OSGIN1: variants seen among roughly 807,000 people sequenced by gnomAD.
OSGIN1 encodes the protein oxidative stress induced growth inhibitor 1.
OSGIN1 carries 19 observed loss-of-function variants against 20.1 expected under a neutral mutation model. The observed-to-expected ratio is 0.95, with a 90% CI of 0.66 to 1.39. The LOEUF (loss-of-function observed/expected upper bound fraction) is 1.39, where lower values mean the gene tolerates loss of function less well. OSGIN1 is among the 40% of genes most tolerant of loss of function. The pLI, the probability that OSGIN1 is intolerant of heterozygous loss-of-function variation, is 0.00. For synonymous variants in OSGIN1, 368 were observed against 297.8 expected (o/e 1.24, Z -2.43); for missense variants, 820 against 653.0 (o/e 1.26, Z -2.79).
At chr16:83,964,070 G>C (rs528509448) in intron 5 of OSGIN1, among the ~76,000 whole-genome samples, 2 of 152,186 alleles carry the variant, frequency 1.3e-5, no homozygotes, top group Non-Finnish European at 2.9e-5. Flanking sequence ...TTGGGAGGCC[G>C]AGGCTGGTGG....
chr16:83,960,709 C>G lies in OSGIN1; in HGVS notation c.345C>G (p.His115Gln), dbSNP rs202216050. 2 of 1,613,526 alleles carry G rather than the reference C, an allele frequency of 1.2e-6. No individual in the cohort carries two copies. The highest frequency in any genetic ancestry group is 3.3e-5 in the Admixed American group (2 of 60,030). Residue 115 changes from histidine (H) to glutamine (Q), a missense_variant, in exon 4 of 6, where the codon CAC becomes CAG. Physicochemically the swap from His to Gln is conservative, Grantham distance 24 (BLOSUM62 0). Coordinates refer to ENST00000393306, the MANE Select transcript of OSGIN1 (RefSeq NM_182981.3). ...TCACCTGGAAGCACCGGAAGGAGCA[C>G]GCCATCCCCCACGTGGTTCTGGGCC... ...SVLTWKHRKE[H>Q]AIPHVVLGRN...
Position 83,965,126 on chromosome 16 carries a change from A to C in OSGIN1, c.553A>C (p.Lys185Gln). Residue 185 changes from lysine (K) to glutamine (Q), a missense_variant, in exon 6 of 6, where the codon AAG becomes CAG. Physicochemically the swap from Lys to Gln is moderately conservative, Grantham distance 53. Transcript: ENST00000393306. ...CCACTACTACAGGGACTACGTGGTCAAGAAGGGTCTGGGGCATAACTTTGT... is the reference window on the plus strand; with the variant it reads ...CCACTACTACAGGGACTACGTGGTCCAGAAGGGTCTGGGGCATAACTTTGT... ...IAHYYRDYVVKKGLGHNFVSG... is the reference protein window; with the variant it reads ...IAHYYRDYVVQKGLGHNFVSG... 6.2e-7 allele frequency: 1 copy of C among 1,613,372 alleles called. No homozygotes were observed. The highest frequency in any genetic ancestry group is 8.5e-7 in the Non-Finnish European group (1 of 1,179,938).
chr16:83,960,464 G>A, intron 3 of OSGIN1, 105 bp from the exon 4 acceptor site: 1 of 870,336 alleles, frequency 1.1e-6, no homozygotes, highest in Non-Finnish European at 1.8e-6. Context: ...TCCAGTGCCA[G>A]GGAAATGGCC....
chr16:83,957,808 G>T, intron 2 of OSGIN1, 70 bp downstream of exon 2: 1 of 762,432 alleles, frequency 1.3e-6, no homozygotes, highest in South Asian at 1.8e-5. Context: ...TCTGAGGGCA[G>T]GAGCTGGGCA....
In OSGIN1 at chr16:83,960,600, G is replaced by A. The variant is rs1346041282; in HGVS notation, c.236G>A (p.Gly79Asp). 6.2e-7 allele frequency: 1 copy of A among 1,613,452 alleles called. No homozygotes were observed. The highest frequency in any genetic ancestry group is 8.5e-7 in the Non-Finnish European group (1 of 1,180,018). The change falls in exon 4 of 6, where the codon GGC (glycine) becomes GAC (aspartate). Residue 79 changes from glycine to aspartate, a missense_variant. Coordinates refer to ENST00000393306, the MANE Select transcript of OSGIN1 (RefSeq NM_182981.3). ...GACTACCTGTCCGAAGGCCTCGAAGGCCGATCCCAAAGCCCCGTGGCCCTG... is the reference window on the plus strand; with the variant it reads ...GACTACCTGTCCGAAGGCCTCGAAGACCGATCCCAAAGCCCCGTGGCCCTG... ...DLDYLSEGLEGRSQSPVALLF... is the reference protein window; with the variant it reads ...DLDYLSEGLEDRSQSPVALLF...
In OSGIN1 at chr16:83,965,210, G is replaced by A. The variant is rs1733978794; in HGVS notation, c.637G>A (p.Ala213Thr). Residue 213 changes from alanine to threonine, a missense_variant, in exon 6 of 6, where the codon GCC (alanine) becomes ACC (threonine). Transcript: ENST00000393306. The stretch of plus-strand genomic sequence containing the variant: ...GACCCCCGATCCCAGCAGCTGTGGG[G>A]CCCAGGACTCCAGCCCCCTCTTCCA... ...WGTPDPSSCG[A>T]QDSSPLFQVS... The A allele has an allele frequency of 1.2e-6, 2 of 1,612,970 alleles. No homozygotes were observed. Among genetic ancestry groups the A allele is most frequent in the South Asian group, 2.2e-5 (2 of 91,090 alleles).
chr16:83,965,187 C>A lies in OSGIN1; in HGVS notation c.614C>A (p.Thr205Asn), dbSNP rs1483908545. ...GAVVTAVEWG[T>N]PDPSSCGAQD... ...GTAGTCACAGCCGTGGAGTGGGGGA[C>A]CCCCGATCCCAGCAGCTGTGGGGCC... The change falls in exon 6 of 6, where the codon ACC becomes AAC. Residue 205 changes from threonine to asparagine, a missense_variant. Transcript: ENST00000393306. 8 of 1,613,096 alleles carry A rather than the reference C, an allele frequency of 5.0e-6. No homozygotes were observed. Among genetic ancestry groups the A allele is most frequent in the Middle Eastern group, 1.6e-4 (1 of 6,084 alleles).
chr16:83,956,373 C>A (rs968472863), intron 1 of OSGIN1, among the ~76,000 whole-genome samples: 1 of 152,252 alleles, frequency 6.6e-6, no homozygotes, highest in Non-Finnish European at 1.5e-5. Flanking sequence ...AGATCATTCA[C>A]ATAGAAATCC....
chr16:83,960,882 C>A, intron 4 of OSGIN1, 99 bp from the exon 5 acceptor site: 1 of 1,487,054 alleles, frequency 6.7e-7, no homozygotes, highest in South Asian at 1.2e-5. Flanking sequence ...CCTCTCCCTC[C>A]TCCCTCTACC....
chr16:83,965,391 A>T lies in OSGIN1; in HGVS notation c.818A>T (p.Glu273Val), dbSNP rs2084265615. 1 of 1,574,500 alleles carries T rather than the reference A, an allele frequency of 6.4e-7. No homozygotes were observed. Among genetic ancestry groups the T allele is most frequent in the East Asian group, 2.2e-5 (1 of 44,560 alleles). ...PFIHHELSAL[E>V]AATRVGAVTP... ...ATCCACCATGAGCTGTCTGCCCTGG[A>T]GGCCGCCACAAGGGTGGGTGCGGTG... is the stretch of plus-strand genomic sequence containing the variant. The change falls in exon 6 of 6, where the codon GAG (glutamate) becomes GTG (valine). Residue 273 changes from glutamate (E) to valine (V), a missense_variant. By Grantham distance (121) the Glu-to-Val change is moderately radical. Coordinates refer to ENST00000393306, the MANE Select transcript of OSGIN1 (RefSeq NM_182981.3).
intron 1 of OSGIN1, among the ~76,000 whole-genome samples, chr16:83,953,612 T>A (rs2151073763): frequency 6.6e-6 from 1 of 152,328 alleles, no homozygotes; most frequent in South Asian, 2.1e-4. Flanking sequence ...GCCAAGCAGC[T>A]GAAGCGGCCA....
intron 2 of OSGIN1, among the ~76,000 whole-genome samples, chr16:83,958,154 G>T (rs1909034042): frequency 6.6e-6 from 1 of 152,222 alleles, no homozygotes; most frequent in African/African-American, 2.4e-5. Context: ...TGGGATTATA[G>T]GTGTGAACCA....
chr16:83,962,474 C>A (rs1267262024), intron 5 of OSGIN1, among the ~76,000 whole-genome samples: 2 of 152,224 alleles, frequency 1.3e-5, no homozygotes, highest in East Asian at 3.9e-4. Flanking sequence ...ATCTCCTGAT[C>A]TCGTGATCCG....
Position 83,962,875 on chromosome 16 carries a change from T to C in OSGIN1, c.488+1803T>C, listed in dbSNP as rs253138. Among the ~76,000 whole-genome samples, 319 of 152,340 alleles carry C rather than the reference T, an allele frequency of 2.1e-3. 1 individual carries two copies. The highest frequency in any genetic ancestry group is 7.1e-3 in the African/African-American group (297 of 41,580). On this transcript the variant is annotated intron_variant, in intron 5 of 5. Transcript: ENST00000393306. Reference sequence around the variant, plus strand: ...CTTTGAGTAGGACGGGAGGCAGCTTTGCCCTAGGCAGTTCCCTGCTTGACT... The same window carrying C: ...CTTTGAGTAGGACGGGAGGCAGCTTCGCCCTAGGCAGTTCCCTGCTTGACT...
chr16:83,959,315 C>T lies in OSGIN1; in HGVS notation c.123C>T (p.Tyr41=). The T allele has an allele frequency of 2.5e-6, 4 of 1,613,840 alleles. No homozygotes were observed. The highest frequency in any genetic ancestry group is 3.4e-6 in the Non-Finnish European group (4 of 1,179,928). ...ACCTGCTCTCCGGCTACACACCCTA[C>T]ACGAAGCCAGATGCCATCCACCCAC... ...LSYLLSGYTP[Y]TKPDAIHPHP... Residue 41 remains tyrosine (Y), a synonymous_variant, in exon 3 of 6, where the codon TAC becomes TAT. Coordinates refer to ENST00000393306, the MANE Select transcript of OSGIN1 (RefSeq NM_182981.3).
At chr16:83,957,605 G>A (rs371741642) in intron 1 of OSGIN1, 35 bp from the exon 2 acceptor site, 21 of 1,101,850 alleles carry the variant, frequency 1.9e-5, no homozygotes, top group Admixed American at 3.9e-5. Flanking sequence ...GGCCTCACCC[G>A]AATGGACTCT....
chr16:83,961,649 A>G (rs983477581), intron 5 of OSGIN1, among the ~76,000 whole-genome samples: 1 of 152,130 alleles, frequency 6.6e-6, no homozygotes, highest in African/African-American at 2.4e-5. Context: ...GGGGAAACTG[A>G]GGCTCAGATA....
chr16:83,965,802 C>G lies in OSGIN1; in HGVS notation c.1229C>G (p.Ala410Gly). 6.2e-7 allele frequency: 1 copy of G among 1,612,986 alleles called. No individual in the cohort carries two copies. Among genetic ancestry groups the G allele is most frequent in the Non-Finnish European group, 8.5e-7 (1 of 1,179,940 alleles). The change falls in exon 6 of 6, where the codon GCT (alanine) becomes GGT (glycine). Residue 410 changes from alanine (A) to glycine (G), a missense_variant. Physicochemically the swap from Ala to Gly is moderately conservative, Grantham distance 60 (BLOSUM62 0). Transcript: ENST00000393306. ...PDLSFLPGAG[A>G]DFAVDPDQPL... ...CTCTCCTTCCTGCCTGGGGCAGGGGCTGACTTTGCAGTGGATCCTGACCAG... is the reference window on the plus strand; with the variant it reads ...CTCTCCTTCCTGCCTGGGGCAGGGGGTGACTTTGCAGTGGATCCTGACCAG...
At chr16:83,963,040 G>A (rs1201551628) in intron 5 of OSGIN1, among the ~76,000 whole-genome samples, 2 of 152,148 alleles carry the variant, frequency 1.3e-5, no homozygotes, top group African/African-American at 4.8e-5. Context: ...CAGATACCTG[G>A]GTGCAGTCTG....
Sources: gnomAD v4.1 joint callset for allele counts (sites outside exome capture counted in the v4.1 genomes callset) on GRCh38, gnomAD v4.1.1 for gene constraint, MANE v1.5 for transcripts, NCBI Gene and HGNC (gene_info 2026-07-23, HGNC 2026-07-21) for gene names.